Variants in SEZ6 observed in about 807,000 individuals in gnomAD.
The protein encoded by SEZ6 is seizure related 6 homolog, also known as seizure protein 6 homolog.
Under a neutral mutation model 101.0 loss-of-function variants are expected in SEZ6, and 53 were observed. The ratio of observed to expected loss-of-function variants is 0.52; its 90% confidence interval spans 0.42 to 0.66. The LOEUF (loss-of-function observed/expected upper bound fraction) is 0.66. SEZ6 is among the 30% of genes least tolerant of loss of function. The pLI, the probability that SEZ6 is intolerant of heterozygous loss-of-function variation, is 0.00. For missense variants in SEZ6, 1,102 were observed against 1,289.4 expected (o/e 0.85, Z 2.23); for synonymous variants, 488 against 512.2 (o/e 0.95, Z 0.64).
intron 10 of SEZ6, 57 bp from the exon 11 acceptor site, chr17:28,958,198 C>A (rs180983262): frequency 1.2e-4 from 187 of 1,538,240 alleles, no homozygotes; most frequent in Non-Finnish European, 1.5e-4. Flanking sequence ...GTGACTGTCC[C>A]CCTCACCTTG....
chr17:28,960,579 G>C lies in SEZ6; in HGVS notation c.1502C>G (p.Ser501Cys), dbSNP rs1355631587. The change falls in exon 7 of 17, where the codon TCT (serine) becomes TGT (cysteine). Residue 501 changes from serine (S) to cysteine (C), a missense_variant. By Grantham distance (112) the Ser-to-Cys change is moderately radical. This residue lies in a region of SEZ6 where 556 missense variants were observed against 735.1 expected (regional missense o/e 0.76). Transcript: ENST00000317338. ...GAGCTCAACAAAGAAGTGTTTGCCAGAGCTGAGCAGGCCCTCAATGGGCAG... is the reference window on the plus strand; with the variant it reads ...GAGCTCAACAAAGAAGTGTTTGCCACAGCTGAGCAGGCCCTCAATGGGCAG... ...EYLPIEGLLS[S>C]GKHFFVELST... 1 of 1,592,696 alleles carries C rather than the reference G, an allele frequency of 6.3e-7. No individual in the cohort carries two copies. Among genetic ancestry groups the C allele is most frequent in the African/African-American group, 1.3e-5 (1 of 74,410 alleles).
intron 4 of SEZ6, among the ~76,000 whole-genome samples, chr17:28,965,691 A>C (rs772524196): frequency 6.6e-6 from 1 of 152,210 alleles, no homozygotes; most frequent in Non-Finnish European, 1.5e-5. Context: ...GTAGGGAGGC[A>C]GTGCACTGCC....
rs1471817465 is a variant in SEZ6, at chr17:28,979,909, G to A, written c.725-96C>T. 9.1e-6 allele frequency: 12 copies of A among 1,324,272 alleles called. No individual in the cohort carries two copies. In the African/African-American group the frequency reaches 1.6e-4, roughly 18 times the overall value. 82.0% of individuals were successfully genotyped at this position (1,324,272 alleles called of 1,614,324 possible). A position where few individuals can be genotyped will look rare whatever the true frequency, so the allele number is the denominator to read the frequency against. Reference sequence around the variant, plus strand: ...TGTGTGTGTGTGTGTGTGTGTGTGTGTGTGTGTGTGTGTGTGGTGAAGACC... The same window carrying A: ...TGTGTGTGTGTGTGTGTGTGTGTGTATGTGTGTGTGTGTGTGGTGAAGACC... On this transcript the variant is annotated intron_variant, in intron 2 of 16. Coordinates refer to ENST00000317338, the MANE Select transcript of SEZ6 (RefSeq NM_178860.5).
intron 1 of SEZ6, among the ~76,000 whole-genome samples, chr17:29,004,898 A>G (rs147958014): frequency 1.3e-5 from 2 of 152,164 alleles, no homozygotes; most frequent in Non-Finnish European, 2.9e-5. Context: ...CGCTCACACC[A>G]TGGCCAAGCT....
intron 11 of SEZ6, 81 bp from the exon 12 acceptor site, chr17:28,957,620 A>G (rs1682195704): frequency 1.4e-5 from 20 of 1,450,986 alleles, no homozygotes; most frequent in Non-Finnish European, 1.9e-5. Flanking sequence ...GTTCCAGGCC[A>G]GCTAACTTCT....
intron 2 of SEZ6, 33 bp from the exon 3 acceptor site, chr17:28,979,846 C>T (rs2041273100): frequency 1.3e-6 from 2 of 1,576,988 alleles, no homozygotes; most frequent in East Asian, 4.6e-5. Context: ...AAGCTAGTGC[C>T]AGCTCTGGTG....
At chr17:28,989,941 G>C (rs185613531) in intron 1 of SEZ6, among the ~76,000 whole-genome samples, 1 of 152,240 alleles carries the variant, frequency 6.6e-6, no homozygotes, top group South Asian at 2.1e-4. Flanking sequence ...GCGTGGTGGT[G>C]CACACCTGTA....
At position 28,959,621 on chromosome 17, in the gene SEZ6, G is replaced by T. The variant is rs2040944048; in HGVS notation, c.1771+77C>A. ...CCACGCATATCACAGGGCCCCTGTG[G>T]CCCCGGGCTCTGCTGCTATTCTCCT... On this transcript the variant is annotated intron_variant, in intron 8 of 16. Transcript: ENST00000317338. This position sits in a 1 kb window ranked among gnomAD's most constrained non-coding sequence, Gnocchi z 4.4. 6 of 1,529,682 alleles carry T rather than the reference G, an allele frequency of 3.9e-6. No homozygotes were observed. Among genetic ancestry groups the T allele is most frequent in the Non-Finnish European group, 4.4e-6 (5 of 1,138,938 alleles). The allele number at this position is 1,529,682 out of a possible 1,614,324, so 94.8% of individuals were successfully genotyped here. A position where few individuals can be genotyped will look rare whatever the true frequency, so the allele number is the denominator to read the frequency against.
At chr17:28,980,774 G>C (rs1044976988) in intron 2 of SEZ6, among the ~76,000 whole-genome samples, 8 of 152,224 alleles carry the variant, frequency 5.3e-5, no homozygotes, top group African/African-American at 1.9e-4. Flanking sequence ...AAAGTGCTGG[G>C]ATTACAGGCA....
Position 28,979,880 on chromosome 17 carries a change from CGTGTGTGTGTGTGTGTGTGT to C in SEZ6, c.725-87_725-68del, listed in dbSNP as rs3052131. ...TGAAGTGGTCCAACTAAGGCTGAAC[CGTGTGTGTGTGTGTGTGTGT>C]GTGTGTGTGTGTGTGTGTGTGTGTG... On this transcript the variant is annotated intron_variant, in intron 2 of 16. Coordinates refer to ENST00000317338, the MANE Select transcript of SEZ6 (RefSeq NM_178860.5). 4.2e-4 allele frequency: 362 copies of C among 857,898 alleles called. 1 individual carries two copies. In the African/African-American group the frequency reaches 5.0e-3, roughly 12 times the overall value. 53.1% of individuals were successfully genotyped at this position (857,898 alleles called of 1,614,324 possible). A position where few individuals can be genotyped will look rare whatever the true frequency, so the allele number is the denominator to read the frequency against.
intron 3 of SEZ6, among the ~76,000 whole-genome samples, chr17:28,975,728 G>A (rs950344177): frequency 6.6e-6 from 1 of 152,242 alleles, no homozygotes; most frequent in Non-Finnish European, 1.5e-5. Flanking sequence ...ACACGGCTTA[G>A]AAGGGCAGGG....
At position 28,961,032 on chromosome 17, in the gene SEZ6, A is replaced by G. The variant is rs1233030403; in HGVS notation, c.1241-59T>C. On this transcript the variant is annotated intron_variant, in intron 5 of 16. Coordinates refer to ENST00000317338, the MANE Select transcript of SEZ6 (RefSeq NM_178860.5). ...CCTGCCTGAACCCAGGCAGCCTAAC[A>G]TGCCTTCCTCCCTATCCCAGCCCTA... is the stretch of plus-strand genomic sequence containing the variant. 9 of 1,560,868 alleles carry G rather than the reference A, an allele frequency of 5.8e-6. No homozygotes were observed. The South Asian group carries it at 7.1e-5, about 12-fold the overall frequency.
At chr17:28,994,511 T>C (rs1433785867) in intron 1 of SEZ6, among the ~76,000 whole-genome samples, 1 of 151,982 alleles carries the variant, frequency 6.6e-6, no homozygotes. Flanking sequence ...CTTGACCTCA[T>C]GATCCGCCCG....
At position 28,955,723 on chromosome 17, in the gene SEZ6, A is replaced by G. The variant is rs1327328871; in HGVS notation, c.*239T>C. Reference sequence around the variant, plus strand: ...CTCCAGCTATGTTCTTCCCACAGGTAGATGCCCCCTGACATGGGCCCAATG... The same window carrying G: ...CTCCAGCTATGTTCTTCCCACAGGTGGATGCCCCCTGACATGGGCCCAATG... On this transcript the variant is annotated 3_prime_UTR_variant, in exon 17 of 17. Transcript: ENST00000317338. The G allele has an allele frequency of 4.4e-6, 3 of 681,520 alleles. No individual in the cohort carries two copies. The East Asian group carries it at 8.4e-5, about 19-fold the overall frequency. The allele number at this position is 681,520 out of a possible 1,614,324, so 42.2% of individuals were successfully genotyped here.
Position 28,959,147 on chromosome 17 carries a change from T to A in SEZ6, c.1985A>T (p.Tyr662Phe), listed in dbSNP as rs374943299. 638 of 1,613,822 alleles carry A rather than the reference T, an allele frequency of 4.0e-4. 8 individuals carry two copies. The South Asian group carries it at 6.5e-3, about 16-fold the overall frequency. Residue 662 changes from tyrosine to phenylalanine, a missense_variant, in exon 10 of 17, where the codon TAC (tyrosine) becomes TTC (phenylalanine). Physicochemically the swap from Tyr to Phe is conservative, Grantham distance 22. This residue lies in a region of SEZ6 where 556 missense variants were observed against 735.1 expected (regional missense o/e 0.76). Coordinates refer to ENST00000317338, the MANE Select transcript of SEZ6 (RefSeq NM_178860.5). This position sits in a 1 kb window ranked among gnomAD's most constrained non-coding sequence, Gnocchi z 4.4. ...DDLTARVLGQ[Y>F]SGPRSHFKLF... ...CTTGAAGTGGCTACGGGGCCCTGAGTACTGGCCCAGAACCCGGGCCGTCAG... is the reference window on the plus strand; with the variant it reads ...CTTGAAGTGGCTACGGGGCCCTGAGAACTGGCCCAGAACCCGGGCCGTCAG...
At chr17:28,956,817 G>A (rs2040886554) in intron 13 of SEZ6, 60 bp from the exon 14 acceptor site, 4 of 1,528,300 alleles carry the variant, frequency 2.6e-6, no homozygotes, top group Non-Finnish European at 3.6e-6. Context: ...AACCACTAAG[G>A]CAGGGAGAGG....
At chr17:28,983,466 G>T (rs1443508652) in intron 1 of SEZ6, among the ~76,000 whole-genome samples, 1 of 152,118 alleles carries the variant, frequency 6.6e-6, no homozygotes, top group Non-Finnish European at 1.5e-5. Flanking sequence ...TGTTATTCAG[G>T]CAGCCACTAC....
At chr17:29,000,210 G>T (rs1023538784) in intron 1 of SEZ6, among the ~76,000 whole-genome samples, 11 of 152,198 alleles carry the variant, frequency 7.2e-5, no homozygotes, top group African/African-American at 2.7e-4. Context: ...GTTCCCTTCT[G>T]CCTGTAGTGA....
chr17:28,982,193 C>T (rs1366665704), intron 1 of SEZ6, among the ~76,000 whole-genome samples, 154 bp from the exon 2 acceptor site: 3 of 152,178 alleles, frequency 2.0e-5, no homozygotes, highest in African/African-American at 7.2e-5. Context: ...AATTTGTGAA[C>T]TGGAAGTGAG....
Sources: allele counts gnomAD v4.1 joint callset (sites outside exome capture counted in the v4.1 genomes callset), GRCh38; gene constraint gnomAD v4.1.1; regional missense constraint gnomAD v4.1.1; non-coding constraint Gnocchi (gnomAD v3.1); transcripts MANE v1.5; gene names NCBI Gene and HGNC (gene_info 2026-07-23, HGNC 2026-07-21).